ADA2: variants seen among roughly 807,000 people sequenced by gnomAD.
ADA2 encodes adenosine deaminase 2.
Under a neutral mutation model 44.2 loss-of-function variants are expected in ADA2, and 29 were observed. The ratio of observed to expected loss-of-function variants is 0.66; its 90% CI spans 0.49 to 0.89. ADA2 has a LOEUF of 0.89. Ranked by LOEUF, ADA2 falls within the 40% of genes least tolerant of loss-of-function variation. The pLI is 0.00. For missense variants in ADA2, 637 were observed against 644.8 expected (o/e 0.99, Z 0.13); for synonymous variants, 215 against 234.9 (o/e 0.92, Z 0.77).
At chr22:17,184,246 G>A (rs1158342804) in intron 7 of ADA2, among the ~76,000 whole-genome samples, 1 of 151,626 alleles carries the variant, frequency 6.6e-6, no homozygotes, top group Non-Finnish European at 1.5e-5. Flanking sequence ...TTACAGGCGT[G>A]AGCCACCACG....
At chr22:17,182,894 A>C in intron 7 of ADA2, 133 bp from the exon 8 acceptor site, 1 of 778,936 alleles carries the variant, frequency 1.3e-6, no homozygotes, top group Admixed American at 2.6e-5. Flanking sequence ...ATGAAGAGAA[A>C]TTAACATTAA....
Position 17,179,229 on chromosome 22 carries a change from T to C in ADA2, c.*2254A>G, listed in dbSNP as rs2061942047. The C allele has an allele frequency of 6.6e-6, 1 of 152,378 alleles. No individual in the cohort carries two copies. The highest frequency in any genetic ancestry group is 1.9e-4 in the East Asian group (1 of 5,172). The allele number at this position is 152,378 out of a possible 1,614,324, so 9.4% of individuals were successfully genotyped here. ...GGAGCTGGACTCTGATCACATGAGG[T>C]CTTTTATTTGGGGCGGCTCTGCTCT... On this transcript the variant is annotated 3_prime_UTR_variant, in exon 10 of 10. Transcript: ENST00000399837.
At chr22:17,200,958 C>T (rs2401074) in intron 4 of ADA2, among the ~76,000 whole-genome samples, 11,958 of 150,688 alleles carry the variant, frequency 0.079, 525 homozygotes, top group Middle Eastern at 0.14. Flanking sequence ...TTGAGACCCA[C>T]AAACTGGAAT....
chr22:17,199,826 C>T (rs2062252055), intron 4 of ADA2: 1 of 1,279,012 alleles, frequency 7.8e-7, no homozygotes, highest in Non-Finnish European at 1.0e-6. Flanking sequence ...CGTCTGTAAT[C>T]CTAGTACTTT....
At chr22:17,213,776 G>A (rs2062441969) in intron 1 of ADA2, 1 of 247,154 alleles carries the variant, frequency 4.0e-6, no homozygotes, top group South Asian at 4.4e-5. Context: ...GGTGACTCAC[G>A]CCTGTAATCC....
chr22:17,180,930 G>A lies in ADA2; in HGVS notation c.*553C>T, dbSNP rs1212010334. 2 of 152,740 alleles carry A rather than the reference G, an allele frequency of 1.3e-5. No homozygotes were observed. Among genetic ancestry groups the A allele is most frequent in the Non-Finnish European group, 2.9e-5 (2 of 68,470 alleles). 9.5% of individuals were successfully genotyped at this position (152,740 alleles called of 1,614,324 possible). ...GGGCGAGTGGATCACCTGAGGTCAA[G>A]AGTTGGATACCAGCCTCGCCAACAT... On this transcript the variant is annotated 3_prime_UTR_variant, in exon 10 of 10. Transcript: ENST00000399837.
At chr22:17,188,494 CACTT>C (rs2062067072) in intron 6 of ADA2, 47 bp from the exon 7 acceptor site, 1 of 1,358,470 alleles carries the variant, frequency 7.4e-7, no homozygotes, top group South Asian at 1.2e-5. Context: ...GCGCATGCCT[CACTT>C]GCTGATGGCG....
intron 1 of ADA2, among the ~76,000 whole-genome samples, chr22:17,217,149 A>T (rs750687075): frequency 1.2e-4 from 19 of 152,170 alleles, no homozygotes; most frequent in Non-Finnish European, 1.9e-4. Context: ...AAATATTTTT[A>T]AAAGTAAAGC....
Position 17,188,373 on chromosome 22 carries a change from A to G in ADA2, c.1047T>C (p.Val349=), listed in dbSNP as rs1205096609. 1 of 1,614,126 alleles carries G rather than the reference A, an allele frequency of 6.2e-7. No homozygotes were observed. Among genetic ancestry groups the G allele is most frequent in the East Asian group, 2.2e-5 (1 of 44,866 alleles). Residue 349 remains valine, a synonymous_variant, in exon 7 of 10, where the codon GTT becomes GTC. Transcript: ENST00000399837. Reference sequence around the variant, plus strand: ...CGGCGTGGAAGAAGTAAGGCAGCTTAACGCCATCCTTGGCGGGGATCATCA... The same window carrying G: ...CGGCGTGGAAGAAGTAAGGCAGCTTGACGCCATCCTTGGCGGGGATCATCA... ...EALMIPAKDG[V]KLPYFFHAGE...
upstream of ADA2, among the ~76,000 whole-genome samples, chr22:17,219,741 C>T (rs568824394): frequency 6.9e-5 from 9 of 130,190 alleles, no homozygotes; most frequent in South Asian, 2.2e-3. Context: ...ATGGCGCAAT[C>T]TCAGCTCACT....
rs2061941838 is a variant in ADA2 at position 17,179,195 on chromosome 22, G to C, written c.*2288C>G. 6.6e-6 allele frequency: 1 copy of C among 152,328 alleles called. No homozygotes were observed. The highest frequency in any genetic ancestry group is 2.1e-4 in the South Asian group (1 of 4,834). 9.4% of individuals were successfully genotyped at this position (152,328 alleles called of 1,614,324 possible). ...TGGCTTCTTGCATCCTTCTTCCAAG[G>C]CCAGGTGAGGAGCTGGACTCTGATC... On this transcript the variant is annotated 3_prime_UTR_variant, in exon 10 of 10. Transcript: ENST00000399837.
chr22:17,193,064 G>C, intron 4 of ADA2: 1 of 838,470 alleles, frequency 1.2e-6, no homozygotes, highest in Non-Finnish European at 1.9e-6. Flanking sequence ...GCCAGATCTC[G>C]ATGCCCAACA....
At chr22:17,214,897 A>G (rs776822013) in intron 1 of ADA2, among the ~76,000 whole-genome samples, 2 of 152,254 alleles carry the variant, frequency 1.3e-5, no homozygotes, top group Non-Finnish European at 2.9e-5. Flanking sequence ...GTCAATCCTC[A>G]GCTGGGGGCT....
At position 17,191,728 on chromosome 22, in the gene ADA2, G is replaced by A; in HGVS notation, c.836C>T (p.Thr279Ile). 2 of 1,613,948 alleles carry A rather than the reference G, an allele frequency of 1.2e-6. No individual in the cohort carries two copies. The highest frequency in any genetic ancestry group is 1.7e-6 in the Non-Finnish European group (2 of 1,179,928). ...YQEVAQKFVE[T>I]HPEFIGIKII... ...TTTGATTCCAATAAACTCAGGGTGA[G>A]TTTCCACAAACTTCTGAGCTACTTC... Residue 279 changes from threonine (T) to isoleucine (I), a missense_variant, in exon 5 of 10, where the codon ACT becomes ATT. Transcript: ENST00000399837.
chr22:17,214,190 G>C, intron 1 of ADA2: 1 of 604,796 alleles, frequency 1.7e-6, no homozygotes, highest in Non-Finnish European at 3.0e-6. Flanking sequence ...CAGCATCGAG[G>C]GTTGGCAAAA....
At chr22:17,193,068 C>G (rs2123657766) in intron 4 of ADA2, 1 of 864,654 alleles carries the variant, frequency 1.2e-6, no homozygotes, top group South Asian at 1.4e-5. Context: ...GATCTCGATG[C>G]CCAACAGTGG....
chr22:17,186,012 C>T (rs2062031451), intron 7 of ADA2, among the ~76,000 whole-genome samples: 1 of 152,204 alleles, frequency 6.6e-6, no homozygotes, highest in Non-Finnish European at 1.5e-5. Context: ...GCTGAGATGA[C>T]TGAGCGAGCC....
In ADA2 at chr22:17,196,292, C is replaced by T. The variant is rs539848443; in HGVS notation, c.754-4482G>A. ...GCCAAGATTGTGTGCCATTGTACTC[C>T]AGCCTAGGCAACAAAAGTGAAACTC... On this transcript the variant is annotated intron_variant, in intron 4 of 9. Coordinates refer to ENST00000399837, the MANE Select transcript of ADA2 (RefSeq NM_001282225.2). 2.9e-5 allele frequency among the ~76,000 whole-genome samples: 4 copies of T among 138,832 alleles called. No homozygotes were observed. In the South Asian group the frequency reaches 9.2e-4, roughly 32 times the overall value. 91.1% of individuals were successfully genotyped at this position (138,832 alleles called of 152,430 possible). A position where few individuals can be genotyped will look rare whatever the true frequency, so the allele number is the denominator to read the frequency against.
chr22:17,219,017 C>T (rs868172178), intron 1 of ADA2, among the ~76,000 whole-genome samples: 2 of 152,028 alleles, frequency 1.3e-5, no homozygotes, highest in Non-Finnish European at 2.9e-5. Context: ...ATTAGCCGGG[C>T]GTGGTGGTGG....
Sources: gnomAD v4.1 joint callset for allele counts (sites outside exome capture counted in the v4.1 genomes callset) on GRCh38, gnomAD v4.1.1 for gene constraint, MANE v1.5 for transcripts, NCBI Gene and HGNC (gene_info 2026-07-23, HGNC 2026-07-21) for gene names.